The following CUX2 variants were observed in gnomAD, a reference collection of about 807,000 sequenced individuals.
CUX2 encodes the protein homeobox protein cut-like 2.
CUX2 carries 40 observed loss-of-function variants against 144.8 expected under a neutral mutation model. That is an observed-to-expected ratio of 0.28 (90% CI 0.21 to 0.36). The LOEUF (loss-of-function observed/expected upper bound fraction) is 0.36. Among genes scored for constraint, CUX2 ranks in the 10% least tolerant of loss-of-function variants. The pLI, the probability that CUX2 is intolerant of heterozygous loss-of-function variation, is 1.00. For synonymous variants in CUX2, 827 were observed against 875.6 expected (o/e 0.94, Z 0.98); for missense variants, 1,615 against 1,994.0 (o/e 0.81, Z 3.62).
At chr12:111,217,181 G>A (rs1166492852) in intron 2 of CUX2, among the ~76,000 whole-genome samples, 1 of 152,182 alleles carries the variant, frequency 6.6e-6, no homozygotes, top group East Asian at 1.9e-4. Flanking sequence ...ATTAGAGTCT[G>A]GAAATAGGAG....
chr12:111,169,232 A>G (rs182009766), intron 1 of CUX2, among the ~76,000 whole-genome samples: 1 of 152,246 alleles, frequency 6.6e-6, no homozygotes, highest in East Asian at 1.9e-4. Context: ...CCACAAGCCC[A>G]GCAACACCAA....
chr12:111,042,249 G>T (rs541629162), intron 1 of CUX2, among the ~76,000 whole-genome samples: 74 of 152,266 alleles, frequency 4.9e-4, no homozygotes, highest in African/African-American at 1.6e-3. Context: ...CCCAGCCGCC[G>T]GTGTGGACTG....
intron 1 of CUX2, among the ~76,000 whole-genome samples, chr12:111,163,886 C>A (rs1291289751): frequency 6.6e-6 from 1 of 152,092 alleles, no homozygotes; most frequent in Non-Finnish European, 1.5e-5. Context: ...TAGAACCATG[C>A]CCCACACCTA....
chr12:111,248,191 G>A (rs1320847396), intron 3 of CUX2, among the ~76,000 whole-genome samples: 1 of 152,196 alleles, frequency 6.6e-6, no homozygotes, highest in Non-Finnish European at 1.5e-5. Context: ...GTGAGCCACT[G>A]CGTCTGGCCC....
intron 1 of CUX2, among the ~76,000 whole-genome samples, chr12:111,109,578 CA>C (rs1248907924): frequency 2.6e-5 from 4 of 152,186 alleles, no homozygotes; most frequent in Non-Finnish European, 4.4e-5. Flanking sequence ...TTTCCCACCT[CA>C]GTCTTGGACT....
intron 1 of CUX2, among the ~76,000 whole-genome samples, chr12:111,212,588 C>T (rs1439745494): frequency 6.6e-6 from 1 of 152,206 alleles, no homozygotes; most frequent in East Asian, 1.9e-4. Flanking sequence ...AGGCTGGTCT[C>T]AAACTCTTGG....
intron 1 of CUX2, among the ~76,000 whole-genome samples, chr12:111,125,840 T>C (rs897208086): frequency 2.0e-5 from 3 of 152,124 alleles, no homozygotes; most frequent in Non-Finnish European, 4.4e-5. Context: ...AAGCACAGTG[T>C]GGTCAGATCT....
At chr12:111,325,289 G>A (rs1054160507) in intron 18 of CUX2, among the ~76,000 whole-genome samples, 7 of 137,802 alleles carry the variant, frequency 5.1e-5, no homozygotes, top group South Asian at 2.4e-4. Context: ...GCGAGACTCC[G>A]TCTCAAAAGA....
intron 1 of CUX2, among the ~76,000 whole-genome samples, chr12:111,203,544 C>CA (rs771280007): frequency 0.05 from 4,192 of 84,464 alleles, 80 homozygotes; most frequent in Middle Eastern, 0.14. Flanking sequence ...GACTCTCTCT[C>CA]AAAAAAAAAA....
At chr12:111,078,845 G>A (rs1232331524) in intron 1 of CUX2, among the ~76,000 whole-genome samples, 1 of 152,184 alleles carries the variant, frequency 6.6e-6, no homozygotes, top group Non-Finnish European at 1.5e-5. Flanking sequence ...GGTGAGTGAT[G>A]ATGGTGGCTT....
intron 1 of CUX2, among the ~76,000 whole-genome samples, chr12:111,082,368 C>A (rs1196458322): frequency 6.6e-6 from 1 of 152,144 alleles, no homozygotes; most frequent in African/African-American, 2.4e-5. Context: ...GGCTGGTGGC[C>A]TGAATTGGTT....
intron 1 of CUX2, among the ~76,000 whole-genome samples, chr12:111,201,135 G>A (rs973648386): frequency 1.3e-5 from 2 of 152,100 alleles, no homozygotes; most frequent in African/African-American, 2.4e-5. Flanking sequence ...CTCCCTGGCC[G>A]GGGCTTCTAG....
chr12:111,310,367 C>A lies in CUX2; in HGVS notation c.1585C>A (p.Pro529Thr). The change falls in exon 15 of 22, where the codon CCA becomes ACA. Residue 529 changes from proline to threonine, a missense_variant. Physicochemically the swap from Pro to Thr is conservative, Grantham distance 38. Around this residue, in one of 12 missense-constraint regions of CUX2, gnomAD observed 154 missense variants for 148.4 expected, o/e 1.04. Coordinates refer to ENST00000261726, the MANE Select transcript of CUX2 (RefSeq NM_015267.4). The surrounding 1 kb of genome is among the most constrained non-coding windows in gnomAD (Gnocchi z 7.9). ...TGCCACCCCGGCCCCTGGCCCTGAG[C>A]CACTGGGCGGTCCTGAGCCCGCGGA... is the stretch of plus-strand genomic sequence containing the variant. ...APATPAPGPE[P>T]LGGPEPADGG... The A allele has an allele frequency of 6.3e-7, 1 of 1,586,942 alleles. No individual in the cohort carries two copies. Among genetic ancestry groups the A allele is most frequent in the Non-Finnish European group, 8.6e-7 (1 of 1,163,358 alleles).
At chr12:111,316,996 C>T (rs1451381478) in intron 16 of CUX2, among the ~76,000 whole-genome samples, 1 of 152,134 alleles carries the variant, frequency 6.6e-6, no homozygotes, top group Admixed American at 6.6e-5. Context: ...TGCTACCTTG[C>T]GTCTGGCCTC....
At chr12:111,213,458 G>A (rs764934949) in intron 1 of CUX2, among the ~76,000 whole-genome samples, 165 of 152,022 alleles carry the variant, frequency 1.1e-3, no homozygotes, top group Middle Eastern at 3.4e-3. Context: ...TTTTTCCCTC[G>A]CTGGTACATC....
chr12:111,311,202 G>C lies in CUX2; in HGVS notation c.1900+520G>C, dbSNP rs138336059. Among the ~76,000 whole-genome samples the C allele has an allele frequency of 1.4e-3, 211 of 152,284 alleles. 1 individual carries two copies. The highest frequency in any genetic ancestry group is 4.8e-3 in the African/African-American group (200 of 41,554). ...CCAGGAGGCACCATGAGGATTAAAC[G>C]GGCATCAAGCACTGACCACAGCACC... is the stretch of plus-strand genomic sequence containing the variant. On this transcript the variant is annotated intron_variant, in intron 15 of 21. Coordinates refer to ENST00000261726, the MANE Select transcript of CUX2 (RefSeq NM_015267.4).
intron 1 of CUX2, among the ~76,000 whole-genome samples, chr12:111,044,628 A>G (rs1869911724): frequency 6.6e-6 from 1 of 151,990 alleles, no homozygotes. Context: ...ATGTGATAAT[A>G]TTTATTTGTG....
intron 3 of CUX2, among the ~76,000 whole-genome samples, chr12:111,254,333 A>T (rs1883705721): frequency 6.6e-6 from 1 of 152,224 alleles, no homozygotes; most frequent in Non-Finnish European, 1.5e-5. Flanking sequence ...GGGCATGCAC[A>T]TAGTAGGTGC....
chr12:111,334,863 G>A (rs1448887641), intron 19 of CUX2, among the ~76,000 whole-genome samples, 153 bp downstream of exon 19: 1 of 152,200 alleles, frequency 6.6e-6, no homozygotes, highest in African/African-American at 2.4e-5. Context: ...GAGGCCAGGA[G>A]TTTGAGGCCA....
Sources: gnomAD v4.1 joint callset for allele counts (sites outside exome capture counted in the v4.1 genomes callset) on GRCh38, gnomAD v4.1.1 for gene constraint, gnomAD v4.1.1 regional missense constraint, Gnocchi (gnomAD v3.1) non-coding constraint, MANE v1.5 for transcripts, NCBI Gene and HGNC (gene_info 2026-07-23, HGNC 2026-07-21) for gene names.